The following AKAP8 variants were observed in gnomAD, a reference collection of about 807,000 sequenced individuals.
AKAP8 encodes the protein A-kinase anchor protein 8.
In AKAP8, 24 loss-of-function variants were observed where a neutral mutation model predicts 67.5. The ratio of observed to expected loss-of-function variants is 0.36; its 90% CI spans 0.26 to 0.50. The LOEUF is 0.50. AKAP8 is among the 20% of genes least tolerant of loss of function. The pLI, the probability that AKAP8 is intolerant of heterozygous loss-of-function variation, is 0.97. For missense variants in AKAP8, 971 were observed against 955.9 expected (o/e 1.02, Z -0.21); for synonymous variants, 400 against 371.1 (o/e 1.08, Z -0.90).
Position 15,368,241 on chromosome 19 carries a change from G to A in AKAP8, c.1154C>T (p.Ala385Val). 1.3e-5 allele frequency: 21 copies of A among 1,612,082 alleles called. No homozygotes were observed. Among genetic ancestry groups the A allele is most frequent in the Non-Finnish European group, 1.7e-5 (20 of 1,179,904 alleles). The change falls in exon 9 of 14, where the codon GCC becomes GTC. Residue 385 changes from alanine to valine, a missense_variant. Ala to Val is a moderately conservative substitution (Grantham distance 64, BLOSUM62 0). Coordinates refer to ENST00000269701, the MANE Select transcript of AKAP8 (RefSeq NM_005858.4). The stretch of plus-strand genomic sequence containing the variant: ...TCGTGTGCCCGCGCCTCACCTGTCG[G>A]CTGCACGGTCCCGCGTCCTGTCTCT... ...RRRDRTRDRA[A>V]DRIQFACSVC...
intron 9 of AKAP8, among the ~76,000 whole-genome samples, chr19:15,362,834 A>G (rs376941930): frequency 1.4e-5 from 2 of 140,908 alleles, no homozygotes; most frequent in African/African-American, 5.4e-5. Context: ...CTGGGATGTG[A>G]GGAGCCCCTC....
chr19:15,362,341 T>C lies in AKAP8; in HGVS notation c.1161-90A>G, dbSNP rs566423788. 107 of 1,452,516 alleles carry C rather than the reference T, an allele frequency of 7.4e-5. 2 individuals carry two copies. The South Asian group carries it at 1.3e-3, about 18-fold the overall frequency. The allele number at this position is 1,452,516 out of a possible 1,614,324, so 90.0% of individuals were successfully genotyped here. ...AGCTCACCTCTGAGGAGAGCTGAAA[T>C]AGAAACAGGATTTTCAGCTCTCCCC... On this transcript the variant is annotated intron_variant, in intron 9 of 13. Transcript: ENST00000269701.
At chr19:15,360,112 G>A (rs1966941832) in intron 12 of AKAP8, among the ~76,000 whole-genome samples, 1 of 151,888 alleles carries the variant, frequency 6.6e-6, no homozygotes, top group Admixed American at 6.6e-5. Flanking sequence ...TCCAGCCTGG[G>A]CAACAAGAGT....
At chr19:15,368,574 G>A (rs1007198031) in intron 8 of AKAP8, 1 of 985,072 alleles carries the variant, frequency 1.0e-6, no homozygotes, top group Non-Finnish European at 1.2e-6. Flanking sequence ...TAGGGACACA[G>A]CCTGCCCACC....
At chr19:15,362,304 G>C in intron 9 of AKAP8, 53 bp from the exon 10 acceptor site, 1 of 1,602,192 alleles carries the variant, frequency 6.2e-7, no homozygotes, top group Non-Finnish European at 8.5e-7. Flanking sequence ...AGCGAGTGAA[G>C]CAGGGGGCAT....
chr19:15,355,115 C>G lies in AKAP8; in HGVS notation c.1879G>C (p.Glu627Gln). ...TGTGCCGTTCCACAGGGCACCTGCTCTTCCAGCAGCTGTTCGGCTTGAGGA... is the reference window on the plus strand; with the variant it reads ...TGTGCCGTTCCACAGGGCACCTGCTGTTCCAGCAGCTGTTCGGCTTGAGGA... ...SDPQAEQLLE[E>Q]QVPCGTAHEK... The change falls in exon 14 of 14, where the codon GAG (glutamate) becomes CAG (glutamine). Residue 627 changes from glutamate (E) to glutamine (Q), a missense_variant. Around this residue, in one of 3 missense-constraint regions of AKAP8, gnomAD observed 204 missense variants for 193.0 expected, o/e 1.06. Transcript: ENST00000269701. The G allele has an allele frequency of 6.2e-7, 1 of 1,613,796 alleles. No individual in the cohort carries two copies. The highest frequency in any genetic ancestry group is 1.6e-4 in the Middle Eastern group (1 of 6,062).
rs201525366 is a variant in AKAP8 at position 15,370,133 on chromosome 19, C to T, written c.1072+13G>A. The T allele has an allele frequency of 1.4e-5, 23 of 1,614,066 alleles. No individual in the cohort carries two copies. Among genetic ancestry groups the T allele is most frequent in the Middle Eastern group, 3.3e-4 (2 of 6,060 alleles). On this transcript the variant is annotated intron_variant, in intron 8 of 13. Coordinates refer to ENST00000269701, the MANE Select transcript of AKAP8 (RefSeq NM_005858.4). ...AGACACAGGAAAGCTGCAAGGGACA[C>T]GGTGATGCCTACCTCTTTGCCTCCC...
chr19:15,370,877 G>A (rs978589593), intron 7 of AKAP8, among the ~76,000 whole-genome samples: 8 of 151,990 alleles, frequency 5.3e-5, no homozygotes, highest in African/African-American at 1.9e-4. Context: ...TGATCCACCC[G>A]CCTTGGCCTC....
At chr19:15,376,710 C>T (rs1030277889) in intron 2 of AKAP8, among the ~76,000 whole-genome samples, 2 of 152,290 alleles carry the variant, frequency 1.3e-5, no homozygotes, top group Admixed American at 6.5e-5. Context: ...TTCACTAACA[C>T]GCAAAAATTA....
chr19:15,361,629 G>A (rs1002841921), intron 11 of AKAP8, 100 bp downstream of exon 11: 12 of 1,023,408 alleles, frequency 1.2e-5, no homozygotes, highest in Admixed American at 3.7e-5. Flanking sequence ...TGGGATTACA[G>A]GTGTGAGCCA....
At chr19:15,374,318 G>A (rs545952681) in intron 3 of AKAP8, among the ~76,000 whole-genome samples, 4 of 152,266 alleles carry the variant, frequency 2.6e-5, no homozygotes, top group South Asian at 4.1e-4. Context: ...ATTCAAAGCC[G>A]GGTGACTGAG....
chr19:15,377,887 C>A (rs1338048190), intron 1 of AKAP8, among the ~76,000 whole-genome samples: 4 of 152,174 alleles, frequency 2.6e-5, no homozygotes, highest in African/African-American at 4.8e-5. Context: ...CCCACTATGG[C>A]ATCTGTCTGG....
Position 15,379,760 on chromosome 19 carries a change from G to C in AKAP8, c.-29C>G, listed in dbSNP as rs566754006. The C allele has an allele frequency of 5.8e-5, 94 of 1,610,104 alleles. 2 individuals are homozygous for C. The South Asian group carries it at 7.4e-4, about 13-fold the overall frequency. ...TTCGACGCGGCCCACCAGCAGCCCCGTTTACTAGGCGACCACAGCACGCAT... is the reference window on the plus strand; with the variant it reads ...TTCGACGCGGCCCACCAGCAGCCCCCTTTACTAGGCGACCACAGCACGCAT... On this transcript the variant is annotated 5_prime_UTR_variant, in exon 1 of 14. Transcript: ENST00000269701.
Position 15,353,842 on chromosome 19 carries a change from C to G in AKAP8, c.*1073G>C, listed in dbSNP as rs1346658963. 3 of 152,204 alleles carry G rather than the reference C, an allele frequency of 2.0e-5. No individual in the cohort carries two copies. The East Asian group carries it at 5.8e-4, about 29-fold the overall frequency. The allele number at this position is 152,204 out of a possible 1,614,324, so 9.4% of individuals were successfully genotyped here. Reference sequence around the variant, plus strand: ...TTAGGAAATTCTGTTGCGTGCTAACCTTGAACACATGCTAGCCTCCCTTTC... The same window carrying G: ...TTAGGAAATTCTGTTGCGTGCTAACGTTGAACACATGCTAGCCTCCCTTTC... On this transcript the variant is annotated 3_prime_UTR_variant, in exon 14 of 14. Transcript: ENST00000269701.
At chr19:15,376,865 T>C (rs1205741810) in intron 2 of AKAP8, 111 bp downstream of exon 2, 3 of 1,260,122 alleles carry the variant, frequency 2.4e-6, no homozygotes, top group Non-Finnish European at 3.4e-6. Context: ...TTACACAAAG[T>C]TTGCTGACCC....
At position 15,355,035 on chromosome 19, in the gene AKAP8, G is replaced by T. The variant is rs200376540; in HGVS notation, c.1959C>A (p.Ala653=). The T allele has an allele frequency of 4.3e-6, 7 of 1,614,078 alleles. No homozygotes were observed. Among genetic ancestry groups the T allele is most frequent in the South Asian group, 2.2e-5 (2 of 91,088 alleles). The change falls in exon 14 of 14, where the codon GCC becomes GCA. Residue 653 remains alanine (A), a synonymous_variant. Coordinates refer to ENST00000269701, the MANE Select transcript of AKAP8 (RefSeq NM_005858.4). ...TTTCTGCCTCTGCTGCCATTGTCTC[G>T]GCGCCATTTCCAGCCTCTGCAGCCT... The part of the protein sequence containing the change: ...RSEAAEAGNG[A]ETMAAEAESA...
chr19:15,378,250 T>C (rs1967290390), intron 1 of AKAP8, among the ~76,000 whole-genome samples: 1 of 152,052 alleles, frequency 6.6e-6, no homozygotes, highest in Non-Finnish European at 1.5e-5. Context: ...TAAATTCGCA[T>C]CCGTGCAGCA....
chr19:15,359,908 T>G (rs963171823), intron 12 of AKAP8, among the ~76,000 whole-genome samples: 1 of 151,092 alleles, frequency 6.6e-6, no homozygotes, highest in African/African-American at 2.4e-5. Flanking sequence ...CTGAGGCGGG[T>G]GGATCACCTG....
At chr19:15,379,660 T>C (rs370021454) in intron 1 of AKAP8, 53 bp downstream of exon 1, 4 of 1,577,098 alleles carry the variant, frequency 2.5e-6, no homozygotes, top group Non-Finnish European at 1.7e-6. Flanking sequence ...AGCGGCTGCG[T>C]CGCCCGCACA....
Sources: allele counts gnomAD v4.1 joint callset (sites outside exome capture counted in the v4.1 genomes callset), GRCh38; gene constraint gnomAD v4.1.1; regional missense constraint gnomAD v4.1.1; transcripts MANE v1.5; gene names NCBI Gene and HGNC (gene_info 2026-07-23, HGNC 2026-07-21).